The following CCDC40 variants were observed in gnomAD, a reference collection of about 807,000 sequenced individuals.
CCDC40 encodes the protein coiled-coil domain-containing protein 40.
In CCDC40, 104 loss-of-function variants were observed where a neutral mutation model predicts 124.5. The ratio of observed to expected loss-of-function variants is 0.84; its 90% confidence interval spans 0.71 to 0.98. CCDC40 has a LOEUF of 0.98. Ranked by LOEUF, CCDC40 falls within the 50% of genes least tolerant of loss-of-function variation. The pLI, the probability that CCDC40 is intolerant of heterozygous loss-of-function variation, is 0.00. For synonymous variants in CCDC40, 580 were observed against 602.9 expected (o/e 0.96, Z 0.56); for missense variants, 1,463 against 1,503.9 (o/e 0.97, Z 0.45).
In CCDC40 at chr17:80,065,470, C is replaced by T; in HGVS notation, c.1441-15C>T. ...ATGAGACAGCCATTCCTGCCCCCTC[C>T]CCTGTTGGCTGCAGGCCTGCACCGA... On this transcript the variant is annotated splice_polypyrimidine_tract_variant and intron_variant, in intron 9 of 19. Coordinates refer to ENST00000397545, the MANE Select transcript of CCDC40 (RefSeq NM_017950.4). 6.2e-7 allele frequency: 1 copy of T among 1,612,334 alleles called. No homozygotes were observed. The highest frequency in any genetic ancestry group is 2.2e-5 in the East Asian group (1 of 44,770).
chr17:80,067,303 G>T (rs2038070048), intron 10 of CCDC40: 3 of 569,348 alleles, frequency 5.3e-6, no homozygotes, highest in Admixed American at 3.1e-5. Context: ...ATTCGATCAG[G>T]TCTCCTCCTC....
intron 19 of CCDC40, among the ~76,000 whole-genome samples, chr17:80,099,246 G>A (rs1227702412): frequency 1.3e-5 from 2 of 151,684 alleles, no homozygotes; most frequent in Non-Finnish European, 2.9e-5. Context: ...AGCCGAGATC[G>A]CACCGCTGCA....
At chr17:80,041,486 C>T (rs111800524) in intron 3 of CCDC40, among the ~76,000 whole-genome samples, 1,569 of 149,306 alleles carry the variant, frequency 0.011, 13 homozygotes, top group Non-Finnish European at 0.016. Context: ...CCTGCATGGG[C>T]GACAGAGCGA....
At chr17:80,098,104 A>G (rs1212481426) in intron 19 of CCDC40, among the ~76,000 whole-genome samples, 1 of 152,204 alleles carries the variant, frequency 6.6e-6, no homozygotes, top group Non-Finnish European at 1.5e-5. Flanking sequence ...TGGAGTCCAG[A>G]CCTGAAGGAG....
At chr17:80,036,879 C>G (rs1220082007) in intron 1 of CCDC40, 188 bp downstream of exon 1, 1 of 493,820 alleles carries the variant, frequency 2.0e-6, no homozygotes, top group East Asian at 3.5e-5. Flanking sequence ...CCCTCACCCC[C>G]CCGCCAACCC....
At chr17:80,096,176 G>A (rs548173707) in intron 18 of CCDC40, among the ~76,000 whole-genome samples, 6 of 152,332 alleles carry the variant, frequency 3.9e-5, no homozygotes, top group South Asian at 2.1e-4. Context: ...AACCACAGCC[G>A]TGGGTGGGGA....
chr17:80,047,332 C>T lies in CCDC40; in HGVS notation c.606C>T (p.His202=), dbSNP rs1405383901. The T allele has an allele frequency of 5.0e-6, 8 of 1,613,808 alleles. No homozygotes were observed. The highest frequency in any genetic ancestry group is 6.8e-6 in the Non-Finnish European group (8 of 1,179,920). Residue 202 remains histidine (H), a synonymous_variant, in exon 4 of 20, where the codon CAC becomes CAT. Transcript: ENST00000397545. ...QGQVLPMGVQ[H]RFRLSHGSDI... ...AGGTGCTCCCAATGGGCGTCCAGCA[C>T]CGCTTCCGGCTGAGCCACGGGAGCG...
At position 80,048,872 on chromosome 17, in the gene CCDC40, A is replaced by G. The variant is rs578076156; in HGVS notation, c.855+111A>G. 19 of 975,060 alleles carry G rather than the reference A, an allele frequency of 1.9e-5. No homozygotes were observed. In the East Asian group the frequency reaches 4.4e-4, roughly 23 times the overall value. 60.4% of individuals were successfully genotyped at this position (975,060 alleles called of 1,614,324 possible). ...TCCTGACCCTAAATGCTGTACTTGT[A>G]TCTCGCCTGTTCACTGCACCGTTTA... On this transcript the variant is annotated intron_variant, in intron 5 of 19. Transcript: ENST00000397545.
chr17:80,048,922 C>T (rs1432126866), intron 5 of CCDC40, among the ~76,000 whole-genome samples, 161 bp downstream of exon 5: 1 of 152,154 alleles, frequency 6.6e-6, no homozygotes, highest in East Asian at 1.9e-4. Flanking sequence ...CCTGCCTCTT[C>T]GTAGGGTACT....
Position 80,066,161 on chromosome 17 carries a change from C to G in CCDC40, c.1562+555C>G. 2 of 703,018 alleles carry G rather than the reference C, an allele frequency of 2.8e-6. No homozygotes were observed. Among genetic ancestry groups the G allele is most frequent in the Non-Finnish European group, 5.2e-6 (2 of 385,002 alleles). The allele number at this position is 703,018 out of a possible 1,614,324, so 43.5% of individuals were successfully genotyped here. A position where few individuals can be genotyped will look rare whatever the true frequency, so the allele number is the denominator to read the frequency against. On this transcript the variant is annotated intron_variant, in intron 10 of 19. Transcript: ENST00000397545. The surrounding 1 kb of genome is among the most constrained non-coding windows in gnomAD (Gnocchi z 4.4). ...GGTCTCGGGACGCGGAAAGAAAAAG[C>G]CGGGCACTGTGGTGGCACGTGTCTC...
At chr17:80,081,830 G>C (rs1568706678) in intron 11 of CCDC40, 41 bp downstream of exon 11, 1 of 1,613,928 alleles carries the variant, frequency 6.2e-7, no homozygotes. Context: ...CTGGCGCACG[G>C]TGGTGCCTCT....
chr17:80,090,664 C>G (rs920934000), intron 17 of CCDC40: 11 of 1,435,196 alleles, frequency 7.7e-6, no homozygotes, highest in Non-Finnish European at 9.1e-6. Context: ...CCTTCACAGC[C>G]GCGTTGTCTC....
At chr17:80,059,405 A>G (rs7225076) in intron 9 of CCDC40, among the ~76,000 whole-genome samples, 149,391 of 151,464 alleles carry the variant, frequency 0.99, 73,708 homozygotes, top group Middle Eastern at 1. Flanking sequence ...GAGTGGAGGG[A>G]ACGAAGGGGG....
intron 10 of CCDC40, among the ~76,000 whole-genome samples, chr17:80,074,043 A>G (rs549452702): frequency 2.6e-5 from 4 of 152,374 alleles, no homozygotes; most frequent in South Asian, 4.1e-4. Context: ...AAGGCATGTC[A>G]AAAGCTGAGA....
rs772502492 is a variant in CCDC40, at chr17:80,081,616, G to A, written c.1633G>A (p.Glu545Lys). 1.2e-6 allele frequency: 2 copies of A among 1,613,998 alleles called. No homozygotes were observed. The highest frequency in any genetic ancestry group is 4.5e-5 in the East Asian group (2 of 44,878). Residue 545 changes from glutamate to lysine, a missense_variant, in exon 11 of 20, where the codon GAA becomes AAA. Coordinates refer to ENST00000397545, the MANE Select transcript of CCDC40 (RefSeq NM_017950.4). ...CTATAAGAAATCCATCATGAAGGAG[G>A]AAGAAAAGAACGAGAAGCTGGCGAG... ...EAYKKSIMKE[E>K]EKNEKLASIL...
chr17:80,089,751 C>G lies in CCDC40; in HGVS notation c.2712-13C>G, dbSNP rs770130695. 6.2e-7 allele frequency: 1 copy of G among 1,614,178 alleles called. No individual in the cohort carries two copies. Among genetic ancestry groups the G allele is most frequent in the East Asian group, 2.2e-5 (1 of 44,880 alleles). On this transcript the variant is annotated splice_polypyrimidine_tract_variant and intron_variant, in intron 16 of 19. Coordinates refer to ENST00000397545, the MANE Select transcript of CCDC40 (RefSeq NM_017950.4). The stretch of plus-strand genomic sequence containing the variant: ...ACTCCTAATTTCTTACACTGCCTCT[C>G]CTACCTCTAAAGACACCAGATTATG...
intron 16 of CCDC40, among the ~76,000 whole-genome samples, chr17:80,088,901 G>A (rs2038644573): frequency 6.6e-6 from 1 of 152,224 alleles, no homozygotes; most frequent in African/African-American, 2.4e-5. Context: ...CTTGGTGGCA[G>A]TTCTTGAGCC....
At position 80,066,947 on chromosome 17, in the gene CCDC40, A is replaced by C. The variant is rs1490568977; in HGVS notation, c.1562+1341A>C. ...TCCCTGTGTCACCAGGGTTGCCTGA[A>C]CACCAGGACGAGAGGACTTGGCCAT... On this transcript the variant is annotated intron_variant, in intron 10 of 19. Coordinates refer to ENST00000397545, the MANE Select transcript of CCDC40 (RefSeq NM_017950.4). The surrounding 1 kb of genome is among the most constrained non-coding windows in gnomAD (Gnocchi z 4.4). 1 of 152,540 alleles carries C rather than the reference A, an allele frequency of 6.6e-6. No homozygotes were observed. Among genetic ancestry groups the C allele is most frequent in the African/African-American group, 2.4e-5 (1 of 41,436 alleles). 9.4% of individuals were successfully genotyped at this position (152,540 alleles called of 1,614,324 possible).
intron 12 of CCDC40, among the ~76,000 whole-genome samples, chr17:80,082,860 A>G (rs1415516299): frequency 6.6e-6 from 1 of 152,206 alleles, no homozygotes; most frequent in Non-Finnish European, 1.5e-5. Context: ...AGAGTCTTGG[A>G]CCAACACATT....
Sources: gnomAD v4.1 joint callset for allele counts (sites outside exome capture counted in the v4.1 genomes callset) on GRCh38, gnomAD v4.1.1 for gene constraint, Gnocchi (gnomAD v3.1) non-coding constraint, MANE v1.5 for transcripts, NCBI Gene and HGNC (gene_info 2026-07-23, HGNC 2026-07-21) for gene names.